The following PRSS12 variants were observed in gnomAD, a reference collection of about 807,000 sequenced individuals.
PRSS12 encodes serine protease 12.
In PRSS12, 85 loss-of-function variants were observed where a neutral mutation model predicts 104.4. That is an observed-to-expected ratio of 0.81 (90% CI 0.68 to 0.98). The LOEUF (loss-of-function observed/expected upper bound fraction) is 0.98. PRSS12 is among the 50% of genes least tolerant of loss of function. PRSS12 has a pLI of 0.00. For missense variants in PRSS12, 1,141 were observed against 1,139.2 expected, an observed-to-expected ratio of 1.00 and a Z score of -0.02; for synonymous variants, 454 against 425.2, an observed-to-expected ratio of 1.07 and a Z score of -0.83.
intron 6 of PRSS12, among the ~76,000 whole-genome samples, chr4:118,314,714 C>T (rs2126034343): frequency 1.3e-5 from 2 of 152,130 alleles, no homozygotes; most frequent in South Asian, 4.1e-4. Flanking sequence ...TTTTTACACA[C>T]ATTATTGAGA....
intron 1 of PRSS12, among the ~76,000 whole-genome samples, chr4:118,339,295 G>A (rs1212378461): frequency 1.3e-5 from 2 of 152,072 alleles, no homozygotes; most frequent in African/African-American, 4.8e-5. Flanking sequence ...TCACAGGTAA[G>A]AAAATTAAGA....
chr4:118,331,975 T>C, intron 3 of PRSS12, 109 bp from the exon 4 acceptor site: 4 of 1,384,958 alleles, frequency 2.9e-6, no homozygotes, highest in Non-Finnish European at 4.0e-6. Flanking sequence ...ATAATATTTA[T>C]AAAGCCACAC....
intron 1 of PRSS12, among the ~76,000 whole-genome samples, chr4:118,343,903 T>C (rs1169471335): frequency 6.6e-6 from 1 of 152,182 alleles, no homozygotes; most frequent in Non-Finnish European, 1.5e-5. Context: ...GTAATAAATA[T>C]TTTTAAAATC....
intron 1 of PRSS12, among the ~76,000 whole-genome samples, chr4:118,347,338 T>C (rs886269435): frequency 1.3e-5 from 2 of 152,214 alleles, no homozygotes; most frequent in Non-Finnish European, 2.9e-5. Flanking sequence ...TGGAATTCAA[T>C]GAGTACAGCC....
At chr4:118,343,193 G>A (rs973968807) in intron 1 of PRSS12, among the ~76,000 whole-genome samples, 7 of 151,836 alleles carry the variant, frequency 4.6e-5, no homozygotes, top group African/African-American at 9.7e-5. Flanking sequence ...GTTAGAGATC[G>A]GCCTAGACAA....
intron 9 of PRSS12, among the ~76,000 whole-genome samples, chr4:118,296,425 A>G (rs1743255973): frequency 6.6e-6 from 1 of 152,214 alleles, no homozygotes. Context: ...AAACCTCCCA[A>G]GGTAACAGAC....
At chr4:118,322,150 A>G (rs1204458898) in intron 4 of PRSS12, among the ~76,000 whole-genome samples, 1 of 150,004 alleles carries the variant, frequency 6.7e-6, no homozygotes, top group Non-Finnish European at 1.5e-5. Flanking sequence ...TTAAATCAAA[A>G]TGATCTTGCA....
chr4:118,308,827 C>T (rs1312600917), intron 7 of PRSS12, among the ~76,000 whole-genome samples: 1 of 152,162 alleles, frequency 6.6e-6, no homozygotes, highest in Non-Finnish European at 1.5e-5. Flanking sequence ...GCCTGGCATA[C>T]AGAGGATATG....
intron 1 of PRSS12, among the ~76,000 whole-genome samples, chr4:118,350,607 G>A (rs114397160): frequency 6.6e-6 from 1 of 152,240 alleles, no homozygotes; most frequent in African/African-American, 2.4e-5. Flanking sequence ...CAGTATTTGG[G>A]ATTTTGTCTG....
chr4:118,325,725 C>T (rs1274962918), intron 4 of PRSS12, among the ~76,000 whole-genome samples: 1 of 152,028 alleles, frequency 6.6e-6, no homozygotes, highest in Admixed American at 6.5e-5. Context: ...TTTGATAAAG[C>T]TGTGTGTTCT....
At chr4:118,301,311 C>G (rs2126029896) in intron 8 of PRSS12, among the ~76,000 whole-genome samples, 1 of 152,234 alleles carries the variant, frequency 6.6e-6, no homozygotes, top group East Asian at 1.9e-4. Flanking sequence ...CCTTTGAAAA[C>G]ACTTAAAGTA....
At chr4:118,292,851 T>G (rs1242236540) in intron 11 of PRSS12, among the ~76,000 whole-genome samples, 3 of 151,650 alleles carry the variant, frequency 2.0e-5, no homozygotes, top group African/African-American at 7.3e-5. Flanking sequence ...CCCGTCTCTA[T>G]TAAAAATACA....
In PRSS12 at chr4:118,313,326, C is replaced by T. The variant is rs965468601; in HGVS notation, c.1364G>A (p.Cys455Tyr). 6 of 1,614,142 alleles carry T rather than the reference C, an allele frequency of 3.7e-6. No homozygotes were observed. Among genetic ancestry groups the T allele is most frequent in the South Asian group, 1.1e-5 (1 of 91,090 alleles). Residue 455 changes from cysteine to tyrosine, a missense_variant, in exon 7 of 13, where the codon TGC (cysteine) becomes TAC (tyrosine). By Grantham distance (194) the Cys-to-Tyr change is radical. Transcript: ENST00000296498. ...AAGAAATCTGGTTTCCTTTCCTGAG[C>T]AGCTGACGTCATCCAACCATATGGG... ...TGPIWLDDVS[C>Y]SGKETRFLQC...
intron 1 of PRSS12, among the ~76,000 whole-genome samples, chr4:118,347,942 T>C (rs1455600393): frequency 6.6e-6 from 1 of 152,116 alleles, no homozygotes; most frequent in Non-Finnish European, 1.5e-5. Flanking sequence ...TTAATAACCA[T>C]ATTCTGGGCA....
In PRSS12 at chr4:118,308,505, C is replaced by T. The variant is rs1743616170; in HGVS notation, c.1562G>A (p.Trp521Ter). Reference protein sequence around the residue: ...GRVEVFINGQWGTICDDGWTD... With the variant: ...GRVEVFINGQ ...CCATCCATCATCACAGATTGTTCCC[C>T]ACTGGCCATTGATAAAAACCTCCAC... Residue 521 changes from tryptophan to a stop codon, truncating the protein, a stop_gained, in exon 8 of 13, where the codon TGG becomes TAG. Transcript: ENST00000296498. LOFTEE classifies it high-confidence loss of function. The T allele has an allele frequency of 6.2e-7, 1 of 1,614,084 alleles. No homozygotes were observed. The highest frequency in any genetic ancestry group is 8.5e-7 in the Non-Finnish European group (1 of 1,179,970).
In PRSS12 at chr4:118,283,024, A is replaced by T. The variant is rs1742925245; in HGVS notation, c.2127T>A (p.Val709=). The T allele has an allele frequency of 1.4e-5, 22 of 1,614,138 alleles. No homozygotes were observed. The highest frequency in any genetic ancestry group is 1.8e-5 in the Non-Finnish European group (21 of 1,180,024). ...ACTCCCGATGAATCACAATCTGTTGAACTCCAATTTCTTCCTCAAACTCCT... is the reference window on the plus strand; with the variant it reads ...ACTCCCGATGAATCACAATCTGTTGTACTCCAATTTCTTCCTCAAACTCCT... ...VPEEFEEEIG[V]QQIVIHREYR... The change falls in exon 12 of 13, where the codon GTT becomes GTA. Residue 709 remains valine, a synonymous_variant. Coordinates refer to ENST00000296498, the MANE Select transcript of PRSS12 (RefSeq NM_003619.4).
In PRSS12 at chr4:118,338,198, T is replaced by A; in HGVS notation, c.619A>T (p.Ile207Phe). The change falls in exon 2 of 13, where the codon ATT becomes TTT. Residue 207 changes from isoleucine to phenylalanine, a missense_variant. Transcript: ENST00000296498. ...CACCCCAGCTGCAGCTGGTGACAAA[T>A]GACTGATGCATCAGAATCATCCCAG... ...SHWDDSDASVICHQLQLGGKG... is the reference protein window; with the variant it reads ...SHWDDSDASVFCHQLQLGGKG... 1 of 1,614,004 alleles carries A rather than the reference T, an allele frequency of 6.2e-7. No individual in the cohort carries two copies. Among genetic ancestry groups the A allele is most frequent in the Non-Finnish European group, 8.5e-7 (1 of 1,179,948 alleles).
chr4:118,343,752 TG>T (rs1185227577), intron 1 of PRSS12, among the ~76,000 whole-genome samples: 2 of 152,090 alleles, frequency 1.3e-5, no homozygotes, highest in African/African-American at 2.4e-5. Context: ...AAAGACCCTG[TG>T]GGGGGAAAAA....
At chr4:118,306,962 A>G (rs1560771769) in intron 8 of PRSS12, among the ~76,000 whole-genome samples, 1 of 152,180 alleles carries the variant, frequency 6.6e-6, no homozygotes, top group Non-Finnish European at 1.5e-5. Flanking sequence ...CCAAGACAAT[A>G]AAATTAAAAT....
Sources: gnomAD v4.1 joint callset for allele counts (sites outside exome capture counted in the v4.1 genomes callset) on GRCh38, gnomAD v4.1.1 for gene constraint, MANE v1.5 for transcripts, NCBI Gene and HGNC (gene_info 2026-07-23, HGNC 2026-07-21) for gene names.